SLC45A4: variants seen among roughly 807,000 people sequenced by gnomAD.
SLC45A4 encodes solute carrier family 45 member 4.
SLC45A4 carries 32 observed loss-of-function variants against 63.7 expected under a neutral mutation model. The observed-to-expected ratio is 0.50, with a 90% CI of 0.38 to 0.67. SLC45A4 has a LOEUF of 0.67. Ranked by LOEUF, SLC45A4 falls within the 30% of genes least tolerant of loss-of-function variation. The probability of loss-of-function intolerance (pLI) is 0.00; values close to 1 mark genes in which losing one functional copy is unlikely to be tolerated. For synonymous variants in SLC45A4, 535 were observed against 510.0 expected, an observed-to-expected ratio of 1.05 and a Z score of -0.66; for missense variants, 1,027 against 1,157.7, an observed-to-expected ratio of 0.89 and a Z score of 1.64.
chr8:141,208,962 C>T lies in SLC45A4; in HGVS notation c.*2610G>A, dbSNP rs1012674472. On this transcript the variant is annotated 3_prime_UTR_variant, in exon 9 of 9. Transcript: ENST00000517878. ...CACAAGACTCGACCAACCGACACACCCTGCCTGACACTCCACTCAGTGTGC... is the reference window on the plus strand; with the variant it reads ...CACAAGACTCGACCAACCGACACACTCTGCCTGACACTCCACTCAGTGTGC... 1 of 152,602 alleles carries T rather than the reference C, an allele frequency of 6.6e-6. No individual in the cohort carries two copies. The highest frequency in any genetic ancestry group is 6.5e-5 in the Admixed American group (1 of 15,288). 9.5% of individuals were successfully genotyped at this position (152,602 alleles called of 1,614,324 possible).
chr8:141,253,346 C>T (rs1368339033), intron 2 of SLC45A4: 1 of 191,206 alleles, frequency 5.2e-6, no homozygotes, highest in South Asian at 6.8e-5. Context: ...TGTGATTTTC[C>T]GTGTTTTCAT....
Position 141,210,596 on chromosome 8 carries a change from G to T in SLC45A4, c.*976C>A, listed in dbSNP as rs1295671806. ...GGCCCATCAAGTACATTAAACAGTCGTTCCTTTAAATACACAGAAAATTCA... is the reference window on the plus strand; with the variant it reads ...GGCCCATCAAGTACATTAAACAGTCTTTCCTTTAAATACACAGAAAATTCA... On this transcript the variant is annotated 3_prime_UTR_variant, in exon 9 of 9. Transcript: ENST00000517878. 2 of 152,084 alleles carry T rather than the reference G, an allele frequency of 1.3e-5. No individual in the cohort carries two copies. Among genetic ancestry groups the T allele is most frequent in the African/African-American group, 4.8e-5 (2 of 41,378 alleles). 9.4% of individuals were successfully genotyped at this position (152,084 alleles called of 1,614,324 possible).
intron 1 of SLC45A4, among the ~76,000 whole-genome samples, chr8:141,273,909 G>A (rs1231073228): frequency 6.6e-6 from 1 of 152,218 alleles, no homozygotes; most frequent in Non-Finnish European, 1.5e-5. Context: ...TTTCAGCAAT[G>A]TTAATGTCAA....
chr8:141,231,008 A>G (rs1336546551), intron 2 of SLC45A4, among the ~76,000 whole-genome samples: 1 of 149,700 alleles, frequency 6.7e-6, no homozygotes, highest in Admixed American at 6.6e-5. Flanking sequence ...CATTTCCCCC[A>G]CCCCGCCCGG....
intron 1 of SLC45A4, among the ~76,000 whole-genome samples, chr8:141,265,913 C>A (rs1275343422): frequency 6.6e-6 from 1 of 152,232 alleles, no homozygotes; most frequent in East Asian, 1.9e-4. Flanking sequence ...ACAAGCGAAA[C>A]TACAATTGTT....
At chr8:141,277,278 A>G (rs1205144887) in intron 1 of SLC45A4, among the ~76,000 whole-genome samples, 1 of 152,258 alleles carries the variant, frequency 6.6e-6, no homozygotes, top group Non-Finnish European at 1.5e-5. Context: ...GAGGACCGGA[A>G]TGAAAGGACC....
chr8:141,262,779 G>C (rs1400620789), intron 1 of SLC45A4, among the ~76,000 whole-genome samples: 1 of 151,160 alleles, frequency 6.6e-6, no homozygotes, highest in Non-Finnish European at 1.5e-5. Context: ...CTGTAAACTA[G>C]TTCAACCATT....
Position 141,256,538 on chromosome 8 carries a change from G to A in SLC45A4, c.-400-1909C>T. The A allele has an allele frequency of 2.2e-6, 1 of 456,256 alleles. No homozygotes were observed. The highest frequency in any genetic ancestry group is 4.4e-6 in the Non-Finnish European group (1 of 226,956). The allele number at this position is 456,256 out of a possible 1,614,324, so 28.3% of individuals were successfully genotyped here. Reference sequence around the variant, plus strand: ...TCCCTGGCACGTGGGCCCCAGGAGGGAGAAGACTCCGCTGTACAGGAGGTT... The same window carrying A: ...TCCCTGGCACGTGGGCCCCAGGAGGAAGAAGACTCCGCTGTACAGGAGGTT... On this transcript the variant is annotated intron_variant, in intron 1 of 8. Coordinates refer to ENST00000517878, the MANE Select transcript of SLC45A4 (RefSeq NM_001286646.2). This position sits in a 1 kb window ranked among gnomAD's most constrained non-coding sequence, Gnocchi z 4.3.
chr8:141,278,612 C>A lies in SLC45A4; in HGVS notation c.-400-23983G>T, dbSNP rs1829823379. 6.6e-6 allele frequency among the ~76,000 whole-genome samples: 1 copy of A among 152,380 alleles called. No individual in the cohort carries two copies. The highest frequency in any genetic ancestry group is 2.4e-5 in the African/African-American group (1 of 41,592). On this transcript the variant is annotated intron_variant, in intron 1 of 8. Transcript: ENST00000517878. The surrounding 1 kb of genome is among the most constrained non-coding windows in gnomAD (Gnocchi z 4.1). ...GAGAGACAGGCCTCTGCCCCCTAGC[C>A]ACCAGCAGCTGAGTGCTGACCACAG...
intron 2 of SLC45A4, among the ~76,000 whole-genome samples, chr8:141,242,099 G>A (rs552222862): frequency 6.6e-6 from 1 of 152,190 alleles, no homozygotes; most frequent in East Asian, 1.9e-4. Flanking sequence ...GGCGCATCCC[G>A]CCAAGTGTGG....
At position 141,218,374 on chromosome 8, in the gene SLC45A4, C is replaced by A. The variant is rs1487637229; in HGVS notation, c.1266G>T (p.Gln422His). 6.2e-7 allele frequency: 1 copy of A among 1,608,260 alleles called. No individual in the cohort carries two copies. Among genetic ancestry groups the A allele is most frequent in the East Asian group, 2.2e-5 (1 of 44,866 alleles). ...MRRRRHAFRR[Q>H]ASSTFSYYGK... The stretch of plus-strand genomic sequence containing the variant: ...CGTAGTAGGAGAAGGTGCTGGAGGC[C>A]TGCCTGCGGAACGCGTGCCGCCGCC... Residue 422 changes from glutamine (Q) to histidine (H), a missense_variant, in exon 5 of 9, where the codon CAG (glutamine) becomes CAT (histidine). Physicochemically the swap from Gln to His is conservative, Grantham distance 24 (BLOSUM62 0). Transcript: ENST00000517878.
chr8:141,288,851 C>A (rs1297193462), intron 1 of SLC45A4, among the ~76,000 whole-genome samples: 1 of 152,258 alleles, frequency 6.6e-6, no homozygotes, highest in Non-Finnish European at 1.5e-5. Flanking sequence ...CCCCGTGCAG[C>A]CACATTTTCT....
chr8:141,217,815 C>G lies in SLC45A4; in HGVS notation c.1629+196G>C, dbSNP rs1366995437. 2.6e-5 allele frequency among the ~76,000 whole-genome samples: 4 copies of G among 152,222 alleles called. No individual in the cohort carries two copies. In the East Asian group the frequency reaches 7.7e-4, roughly 29 times the overall value. ...TGCAACCCACCCCATGACCCCAGGA[C>G]GGCCCCCACCAAGTTCCCAGAGGCG... On this transcript the variant is annotated intron_variant, in intron 5 of 8. Transcript: ENST00000517878.
intron 2 of SLC45A4, chr8:141,225,139 C>G (rs1826893538): frequency 1.3e-5 from 2 of 152,152 alleles, no homozygotes; most frequent in African/African-American, 4.8e-5. Context: ...CGTGGGTCAG[C>G]CTCCACTGCT....
chr8:141,301,944 A>G (rs1830759211), intron 1 of SLC45A4, among the ~76,000 whole-genome samples: 1 of 151,966 alleles, frequency 6.6e-6, no homozygotes, highest in African/African-American at 2.4e-5. Flanking sequence ...CCTGGGTGAC[A>G]GAGGGAAACA....
chr8:141,305,436 C>A lies in SLC45A4; in HGVS notation c.-401+2660G>T, dbSNP rs1342905540. On this transcript the variant is annotated intron_variant, in intron 1 of 8. Transcript: ENST00000517878. Reference sequence around the variant, plus strand: ...GATGGTGTTTCACTAAGTGCGCCTTCGTCAGCATAATCACGCAGTGATGAA... The same window carrying A: ...GATGGTGTTTCACTAAGTGCGCCTTAGTCAGCATAATCACGCAGTGATGAA... Among the ~76,000 whole-genome samples the A allele has an allele frequency of 2.0e-5, 3 of 152,214 alleles. 1 individual carries two copies. The highest frequency in any genetic ancestry group is 4.1e-4 in the South Asian group (2 of 4,832).
At chr8:141,295,113 A>C (rs28562145) in intron 1 of SLC45A4, among the ~76,000 whole-genome samples, 16,658 of 152,250 alleles carry the variant, frequency 0.11, 1,142 homozygotes, top group Middle Eastern at 0.16. Context: ...GTGAGAACAC[A>C]CACTGGACAG....
intron 1 of SLC45A4, among the ~76,000 whole-genome samples, chr8:141,267,754 A>G (rs529090240): frequency 4.6e-5 from 7 of 152,342 alleles, no homozygotes; most frequent in African/African-American, 1.7e-4. Context: ...AAGGGGTTGT[A>G]GCTGTGGTGC....
In SLC45A4 at chr8:141,228,676, G is replaced by A. The variant is rs1229981102; in HGVS notation, c.242-6911C>T. 3 of 978,704 alleles carry A rather than the reference G, an allele frequency of 3.1e-6. No homozygotes were observed. In the African/African-American group the frequency reaches 5.2e-5, roughly 17 times the overall value. The allele number at this position is 978,704 out of a possible 1,614,324, so 60.6% of individuals were successfully genotyped here. On this transcript the variant is annotated intron_variant, in intron 2 of 8. Coordinates refer to ENST00000517878, the MANE Select transcript of SLC45A4 (RefSeq NM_001286646.2). ...ATCGTAGCTGTATAAACAACCGTAT[G>A]GCCTTTGGCCTGAGATTCCGGAAGC...
Sources: allele counts gnomAD v4.1 joint callset (sites outside exome capture counted in the v4.1 genomes callset), GRCh38; gene constraint gnomAD v4.1.1; non-coding constraint Gnocchi (gnomAD v3.1); transcripts MANE v1.5; gene names NCBI Gene and HGNC (gene_info 2026-07-23, HGNC 2026-07-21).